The following DLGAP1 variants were observed in gnomAD, a reference collection of about 807,000 sequenced individuals.
DLGAP1 encodes the protein disks large-associated protein 1.
A neutral mutation model predicts 90.8 loss-of-function variants in DLGAP1; 11 were observed. That is an observed-to-expected ratio of 0.12 (90% CI 0.08 to 0.20). The LOEUF is 0.20. DLGAP1 is among the 10% of genes least tolerant of loss of function. The pLI, the probability that DLGAP1 is intolerant of heterozygous loss-of-function variation, is 1.00. For synonymous variants in DLGAP1, 558 were observed against 540.7 expected, an observed-to-expected ratio of 1.03 and a Z score of -0.44; for missense variants, 1,050 against 1,333.8, an observed-to-expected ratio of 0.79 and a Z score of 3.31.
At chr18:4,068,024 C>G (rs1360175272) in intron 2 of DLGAP1, among the ~76,000 whole-genome samples, 15 of 152,032 alleles carry the variant, frequency 9.9e-5, no homozygotes, top group Admixed American at 9.9e-4. Flanking sequence ...CATTGACACA[C>G]ATAGTGTACA....
chr18:3,875,126 T>C (rs2070964472), intron 4 of DLGAP1, among the ~76,000 whole-genome samples: 1 of 152,216 alleles, frequency 6.6e-6, no homozygotes. Flanking sequence ...AGGGACATAA[T>C]CAGTTGTTTC....
Position 3,898,845 on chromosome 18 carries a change from A to G in DLGAP1, c.-72-18705T>C, listed in dbSNP as rs567092765. Among the ~76,000 whole-genome samples the G allele has an allele frequency of 2.0e-4, 30 of 152,222 alleles. 1 individual carries two copies. In the East Asian group the frequency reaches 5.2e-3, roughly 26 times the overall value. ...CAATAATTGAAACCATGGAAGCCAT[A>G]TATATTCCAGAGACATGTACATAGG... On this transcript the variant is annotated intron_variant, in intron 3 of 12. Transcript: ENST00000315677.
intron 1 of DLGAP1, among the ~76,000 whole-genome samples, chr18:4,346,985 G>A (rs544130689): frequency 6.6e-6 from 1 of 151,424 alleles, no homozygotes; most frequent in Non-Finnish European, 1.5e-5. Context: ...AAGGCAGAAG[G>A]TAAAACTATA....
At chr18:4,305,484 AGATCGTGGC>A (rs565553420) in intron 1 of DLGAP1, among the ~76,000 whole-genome samples, 36,039 of 147,444 alleles carry the variant, frequency 0.24, 6,437 homozygotes, top group African/African-American at 0.51. Flanking sequence ...CAGTGAGCCG[AGATCGTGGC>A]ACTGCACTCC....
chr18:3,592,645 C>A (rs909857252), intron 7 of DLGAP1, among the ~76,000 whole-genome samples: 9 of 151,488 alleles, frequency 5.9e-5, no homozygotes, highest in African/African-American at 2.2e-4. Context: ...TGGAGACCAG[C>A]CTGGGCAACA....
At chr18:4,294,907 G>C (rs1379376688) in intron 1 of DLGAP1, 1 of 152,312 alleles carries the variant, frequency 6.6e-6, no homozygotes, top group Non-Finnish European at 1.5e-5. Flanking sequence ...CTGATTCTCT[G>C]ACCATCCCCA....
intron 1 of DLGAP1, among the ~76,000 whole-genome samples, chr18:4,411,074 G>A (rs575364431): frequency 6.6e-6 from 1 of 152,290 alleles, no homozygotes; most frequent in African/African-American, 2.4e-5. Flanking sequence ...GGCCTTTGGT[G>A]CAACTGCATC....
At chr18:3,682,510 A>G (rs2060556679) in intron 7 of DLGAP1, among the ~76,000 whole-genome samples, 1 of 152,228 alleles carries the variant, frequency 6.6e-6, no homozygotes, top group Non-Finnish European at 1.5e-5. Context: ...TACACGAGAA[A>G]AGAAGTTGGG....
At position 4,209,037 on chromosome 18, in the gene DLGAP1, G is replaced by A. The variant is rs561629829; in HGVS notation, c.-266-57750C>T. On this transcript the variant is annotated intron_variant, in intron 1 of 12. Coordinates refer to ENST00000315677, the MANE Select transcript of DLGAP1 (RefSeq NM_004746.4). ...ACGGTAACTGTCCTCAGGTGAGGCC[G>A]GGTGGAAAGCTGCTCCCTTCATTAA... 5.3e-5 allele frequency among the ~76,000 whole-genome samples: 8 copies of A among 152,256 alleles called. No homozygotes were observed. In the South Asian group the frequency reaches 6.2e-4, roughly 12 times the overall value.
chr18:4,446,920 G>A (rs899039876), intron 1 of DLGAP1, among the ~76,000 whole-genome samples: 1 of 152,034 alleles, frequency 6.6e-6, no homozygotes, highest in Non-Finnish European at 1.5e-5. Flanking sequence ...AATAAAGAGA[G>A]GGAATAAATC....
At chr18:3,571,817 T>C (rs1283327419) in intron 8 of DLGAP1, among the ~76,000 whole-genome samples, 2 of 152,190 alleles carry the variant, frequency 1.3e-5, no homozygotes, top group Non-Finnish European at 2.9e-5. Flanking sequence ...TGAGCCAATG[T>C]TCCCGGCCGC....
intron 2 of DLGAP1, among the ~76,000 whole-genome samples, chr18:4,110,887 A>G (rs1393381418): frequency 1.3e-5 from 2 of 152,148 alleles, no homozygotes; most frequent in African/African-American, 4.8e-5. Context: ...CTGACTGCCC[A>G]TCTTGCCTCA....
intron 1 of DLGAP1, among the ~76,000 whole-genome samples, chr18:4,321,164 G>A (rs1389391076): frequency 6.6e-6 from 1 of 152,072 alleles, no homozygotes; most frequent in African/African-American, 2.4e-5. Context: ...AGAGACTCCT[G>A]GATATTGTCA....
At chr18:4,292,826 A>G (rs2079885283) in intron 1 of DLGAP1, among the ~76,000 whole-genome samples, 1 of 152,204 alleles carries the variant, frequency 6.6e-6, no homozygotes, top group East Asian at 1.9e-4. Flanking sequence ...ACATGGGACC[A>G]AACAACTTAT....
At chr18:3,945,073 G>T (rs2072850659) in intron 3 of DLGAP1, among the ~76,000 whole-genome samples, 1 of 152,148 alleles carries the variant, frequency 6.6e-6, no homozygotes, top group Non-Finnish European at 1.5e-5. Flanking sequence ...CCAGGTTCTG[G>T]GGCCAGATAA....
chr18:4,160,899 T>C lies in DLGAP1; in HGVS notation c.-266-9612A>G, dbSNP rs373173096. ...TATCCCATTCTACAGATACCAAAAT[T>C]GAGGCACTAAGAGATTACGTTACTT... On this transcript the variant is annotated intron_variant, in intron 1 of 12. Transcript: ENST00000315677. Among the ~76,000 whole-genome samples, 33 of 152,226 alleles carry C rather than the reference T, an allele frequency of 2.2e-4. 2 individuals are homozygous for C. Among genetic ancestry groups the C allele is most frequent in the Admixed American group, 4.6e-4 (7 of 15,292 alleles).
At chr18:4,379,926 T>C (rs1004612653) in intron 1 of DLGAP1, among the ~76,000 whole-genome samples, 4 of 152,112 alleles carry the variant, frequency 2.6e-5, no homozygotes, top group Non-Finnish European at 4.4e-5. Flanking sequence ...TTTTGAAAAA[T>C]GAATAAACCA....
At chr18:3,858,071 AATAGGCTTCAGGCAT>A (rs1389611707) in intron 4 of DLGAP1, among the ~76,000 whole-genome samples, 14 of 152,226 alleles carry the variant, frequency 9.2e-5, no homozygotes, top group African/African-American at 3.4e-4. Context: ...TCTTCAACTG[AATAGGCTTCAGGCAT>A]ATAAGATTCA....
chr18:4,265,049 T>C (rs1240908573), intron 1 of DLGAP1: 2 of 152,248 alleles, frequency 1.3e-5, no homozygotes, highest in African/African-American at 2.4e-5. Flanking sequence ...GACAAAATTC[T>C]TTCTCTCAAA....
Sources: allele counts gnomAD v4.1 joint callset (sites outside exome capture counted in the v4.1 genomes callset), GRCh38; gene constraint gnomAD v4.1.1; transcripts MANE v1.5; gene names NCBI Gene and HGNC (gene_info 2026-07-23, HGNC 2026-07-21).